COPG1: variants seen among roughly 807,000 people sequenced by gnomAD.
COPG1 encodes the protein coat protein complex I subunit gamma 1.
A neutral mutation model predicts 102.8 loss-of-function variants in COPG1; 29 were observed. The observed-to-expected ratio is 0.28, with a 90% CI of 0.21 to 0.38. The LOEUF (loss-of-function observed/expected upper bound fraction) is 0.38. Ranked by LOEUF, COPG1 falls within the 10% of genes least tolerant of loss-of-function variation. The pLI is 1.00. For synonymous variants in COPG1, 406 were observed against 421.6 expected (o/e 0.96, Z 0.45); for missense variants, 875 against 1,132.7 (o/e 0.77, Z 3.27).
intron 9 of COPG1, 50 bp downstream of exon 9, chr3:129,257,677 C>T (rs1291953032): frequency 6.2e-7 from 1 of 1,613,404 alleles, no homozygotes. Flanking sequence ...CTCATCCTAC[C>T]ATGCTGGGCC....
At chr3:129,257,121 C>T (rs1023502600) in intron 8 of COPG1, among the ~76,000 whole-genome samples, 3 of 152,218 alleles carry the variant, frequency 2.0e-5, no homozygotes, top group African/African-American at 7.2e-5. Context: ...GTCTGGCTCC[C>T]ACCTTCTCTC....
intron 13 of COPG1, among the ~76,000 whole-genome samples, chr3:129,264,716 A>C (rs542931453): frequency 1.3e-5 from 2 of 151,502 alleles, no homozygotes; most frequent in South Asian, 4.2e-4. Flanking sequence ...ACTCCTGGCT[A>C]TAAGTGATCT....
Position 129,272,342 on chromosome 3 carries a change from C to T in COPG1, c.2085C>T (p.Ala695=), listed in dbSNP as rs763595992. ...EAYEVLCYVP[A]RSLPYNQPGT... ...ATGAGGTGCTCTGTTACGTGCCTGC[C>T]CGGAGCCTGCCCTACAACCAGCCCG... Residue 695 remains alanine, a synonymous_variant, in exon 20 of 24, where the codon GCC becomes GCT. Transcript: ENST00000314797. 6.2e-7 allele frequency: 1 copy of T among 1,614,068 alleles called. No individual in the cohort carries two copies. Among genetic ancestry groups the T allele is most frequent in the South Asian group, 1.1e-5 (1 of 91,080 alleles).
At chr3:129,260,267 GC>G in intron 10 of COPG1, 65 bp from the exon 11 acceptor site, 1 of 1,431,250 alleles carries the variant, frequency 7.0e-7, no homozygotes. Context: ...CAGAACAGTA[GC>G]CCCCGGTTTT....
intron 13 of COPG1, 137 bp from the exon 14 acceptor site, chr3:129,265,412 A>G: frequency 9.6e-7 from 1 of 1,036,880 alleles, no homozygotes; most frequent in East Asian, 2.4e-5. Context: ...TTGACAGGAA[A>G]GAGTGATAGA....
chr3:129,264,467 A>G (rs576337354), intron 13 of COPG1, among the ~76,000 whole-genome samples: 2 of 152,308 alleles, frequency 1.3e-5, no homozygotes, highest in East Asian at 1.9e-4. Context: ...GCAGATGTTC[A>G]TGGAGTAGAT....
At chr3:129,265,819 G>T (rs1344990831) in intron 14 of COPG1, 27 bp downstream of exon 14, 13 of 1,607,008 alleles carry the variant, frequency 8.1e-6, no homozygotes, top group African/African-American at 2.7e-5. Flanking sequence ...GCTGAACTTG[G>T]AAACTTAGCT....
At chr3:129,254,000 C>CAAAA (rs58354730) in intron 5 of COPG1, among the ~76,000 whole-genome samples, 1 of 74,030 alleles carries the variant, frequency 1.4e-5, no homozygotes. Flanking sequence ...GACTGCGTCT[C>CAAAA]AAAAAAAAAA....
At position 129,254,439 on chromosome 3, in the gene COPG1, G is replaced by A. The variant is rs926512977; in HGVS notation, c.324-229G>A. ...GTTACATTCAGGTCACTGGCAGTAGGAAGCTATGGAAACTTTTTAGCAAAA... is the reference window on the plus strand; with the variant it reads ...GTTACATTCAGGTCACTGGCAGTAGAAAGCTATGGAAACTTTTTAGCAAAA... On this transcript the variant is annotated intron_variant, in intron 5 of 23. Transcript: ENST00000314797. The A allele has an allele frequency of 7.8e-6, 4 of 509,768 alleles. No homozygotes were observed. In the Admixed American group the frequency reaches 1.4e-4, roughly 17 times the overall value. The allele number at this position is 509,768 out of a possible 1,614,324, so 31.6% of individuals were successfully genotyped here. A position where few individuals can be genotyped will look rare whatever the true frequency, so the allele number is the denominator to read the frequency against.
Position 129,257,484 on chromosome 3 carries a change from G to A in COPG1, c.594G>A (p.Gly198=). 6.2e-7 allele frequency: 1 copy of A among 1,614,192 alleles called. No homozygotes were observed. The highest frequency in any genetic ancestry group is 1.1e-5 in the South Asian group (1 of 91,084). ...CTGTCCTATAGTACCACGCACTAGGGCTCCTGTACCATGTGCGTAAGAATG... is the reference window on the plus strand; with the variant it reads ...CTGTCCTATAGTACCACGCACTAGGACTCCTGTACCATGTGCGTAAGAATG... The part of the protein sequence containing the change: ...DNIMVQYHAL[G]LLYHVRKNDR... Residue 198 remains glycine, a synonymous_variant, in exon 9 of 24, where the codon GGG becomes GGA. Transcript: ENST00000314797.
chr3:129,268,911 G>A (rs755278316), intron 17 of COPG1, 21 bp from the exon 18 acceptor site: 13 of 1,610,998 alleles, frequency 8.1e-6, no homozygotes, highest in African/African-American at 1.3e-5. Context: ...TGGTCATCAC[G>A]TGTATAATTT....
Position 129,275,012 on chromosome 3 carries a change from C to T in COPG1, c.2395+36C>T, listed in dbSNP as rs1343690952. 1.2e-6 allele frequency: 2 copies of T among 1,610,122 alleles called. No homozygotes were observed. The highest frequency in any genetic ancestry group is 1.7e-6 in the Non-Finnish European group (2 of 1,176,730). On this transcript the variant is annotated intron_variant, in intron 22 of 23. Coordinates refer to ENST00000314797, the MANE Select transcript of COPG1 (RefSeq NM_016128.4). This position sits in a 1 kb window ranked among gnomAD's most constrained non-coding sequence, Gnocchi z 5.0. ...GGGAATGCCATCTCTGGCCTAATTA[C>T]TGTTCAAGATCTTTGGCTACTATTG...
intron 2 of COPG1, 178 bp downstream of exon 2, chr3:129,250,912 CTTTTT>C (rs10706690): frequency 0.027 from 5,349 of 199,906 alleles, 2 homozygotes; most frequent in South Asian, 0.046. Flanking sequence ...ATGCTTACTT[CTTTTT>C]TTTTTTTTTT....
intron 3 of COPG1, 84 bp downstream of exon 3, chr3:129,252,445 T>C (rs1939719965): frequency 8.9e-7 from 1 of 1,118,724 alleles, no homozygotes; most frequent in South Asian, 1.3e-5. Context: ...TCTTAGGCTA[T>C]TGGACAGCCT....
rs1939647677 is a variant in COPG1, at chr3:129,249,617, G to A, written c.-93G>A. The A allele has an allele frequency of 1.4e-6, 2 of 1,420,030 alleles. No homozygotes were observed. Among genetic ancestry groups the A allele is most frequent in the Admixed American group, 2.1e-5 (1 of 47,876 alleles). The allele number at this position is 1,420,030 out of a possible 1,614,324, so 88.0% of individuals were successfully genotyped here. On this transcript the variant is annotated 5_prime_UTR_variant, in exon 1 of 24. Coordinates refer to ENST00000314797, the MANE Select transcript of COPG1 (RefSeq NM_016128.4). ...TGGGCGACGTGGCCAGTCGGGGCCC[G>A]GAAGTGGTCCCTGTAGAACCACTGT...
intron 14 of COPG1, among the ~76,000 whole-genome samples, chr3:129,266,295 T>G (rs1039404629): frequency 6.6e-6 from 1 of 152,004 alleles, no homozygotes; most frequent in Non-Finnish European, 1.5e-5. Flanking sequence ...CTATAATTTT[T>G]TAAGTATTTT....
At position 129,249,701 on chromosome 3, in the gene COPG1, G is replaced by T. The variant is rs1354095884; in HGVS notation, c.-9G>T. 1 of 1,551,384 alleles carries T rather than the reference G, an allele frequency of 6.4e-7. No homozygotes were observed. Among genetic ancestry groups the T allele is most frequent in the Non-Finnish European group, 8.7e-7 (1 of 1,146,898 alleles). ...TTGCGTTGCTGCATTGCGCCCCACCGACTCCACTATGTTGAAGAAATTCGA... is the reference window on the plus strand; with the variant it reads ...TTGCGTTGCTGCATTGCGCCCCACCTACTCCACTATGTTGAAGAAATTCGA... On this transcript the variant is annotated 5_prime_UTR_variant, in exon 1 of 24. Transcript: ENST00000314797.
chr3:129,266,878 T>C, intron 14 of COPG1, 146 bp from the exon 15 acceptor site: 1 of 674,972 alleles, frequency 1.5e-6, no homozygotes, highest in Non-Finnish European at 2.7e-6. Flanking sequence ...CCACTCACTC[T>C]GTTGGTAGTG....
intron 10 of COPG1, among the ~76,000 whole-genome samples, chr3:129,258,362 A>G (rs1048361676): frequency 1.3e-5 from 2 of 152,350 alleles, no homozygotes; most frequent in Non-Finnish European, 2.9e-5. Context: ...TGTGGATGAT[A>G]GATCATGCCT....
Sources: allele counts gnomAD v4.1 joint callset (sites outside exome capture counted in the v4.1 genomes callset), GRCh38; gene constraint gnomAD v4.1.1; non-coding constraint Gnocchi (gnomAD v3.1); transcripts MANE v1.5; gene names NCBI Gene and HGNC (gene_info 2026-07-23, HGNC 2026-07-21).